Variants in STXBP5 observed in about 807,000 individuals in gnomAD.
The protein encoded by STXBP5 is syntaxin-binding protein 5.
Under a neutral mutation model 152.4 loss-of-function variants are expected in STXBP5, and 50 were observed. The ratio of observed to expected loss-of-function variants is 0.33; its 90% CI spans 0.26 to 0.42. The LOEUF (loss-of-function observed/expected upper bound fraction) is 0.42. Ranked by LOEUF, STXBP5 falls within the 10% of genes least tolerant of loss-of-function variation. The probability of loss-of-function intolerance (pLI) is 1.00; values close to 1 mark genes in which losing one functional copy is unlikely to be tolerated. For synonymous variants in STXBP5, 492 were observed against 494.7 expected (o/e 0.99, Z 0.07); for missense variants, 1,167 against 1,388.6 (o/e 0.84, Z 2.54).
intron 18 of STXBP5, among the ~76,000 whole-genome samples, chr6:147,332,642 G>A (rs902694497): frequency 1.3e-5 from 2 of 152,178 alleles, no homozygotes; most frequent in African/African-American, 2.4e-5. Flanking sequence ...GATAGTCTGA[G>A]AGGTAACAGG....
chr6:147,325,416 C>G (rs1033380662), intron 17 of STXBP5, among the ~76,000 whole-genome samples: 19 of 152,184 alleles, frequency 1.2e-4, no homozygotes, highest in African/African-American at 4.3e-4. Context: ...GGAAATCTAA[C>G]AATATGAACC....
intron 9 of STXBP5, among the ~76,000 whole-genome samples, chr6:147,295,032 T>G (rs1284266160): frequency 1.3e-5 from 2 of 152,226 alleles, no homozygotes; most frequent in African/African-American, 2.4e-5. Context: ...CTAACCTCGC[T>G]GACCTTTTTA....
chr6:147,259,235 T>C (rs1722229622), intron 4 of STXBP5, among the ~76,000 whole-genome samples: 1 of 152,180 alleles, frequency 6.6e-6, no homozygotes, highest in African/African-American at 2.4e-5. Context: ...TCTTCTCACT[T>C]CTGGAAAACA....
At position 147,311,545 on chromosome 6, in the gene STXBP5, G is replaced by T; in HGVS notation, c.1145+18G>T. ...CAAAATGGGTAAGAAATAAAATTTG[G>T]TGAGTGATTCTATCAGTATGTGGTT... On this transcript the variant is annotated intron_variant, in intron 11 of 27. Coordinates refer to ENST00000321680, the MANE Select transcript of STXBP5 (RefSeq NM_001127715.4). 6.3e-7 allele frequency: 1 copy of T among 1,587,136 alleles called. No homozygotes were observed.
intron 9 of STXBP5, among the ~76,000 whole-genome samples, chr6:147,308,405 A>G (rs1582921549): frequency 6.6e-6 from 1 of 152,206 alleles, no homozygotes; most frequent in East Asian, 1.9e-4. Flanking sequence ...GTGCTAAAAA[A>G]TAAATGATAG....
At chr6:147,232,201 A>G (rs1778040197) in intron 2 of STXBP5, among the ~76,000 whole-genome samples, 1 of 151,816 alleles carries the variant, frequency 6.6e-6, no homozygotes, top group Non-Finnish European at 1.5e-5. Flanking sequence ...TTGAAAATAG[A>G]GGTCTTCAAG....
At chr6:147,285,575 T>C (rs1780920869) in intron 8 of STXBP5, among the ~76,000 whole-genome samples, 1 of 152,072 alleles carries the variant, frequency 6.6e-6, no homozygotes, top group Non-Finnish European at 1.5e-5. Context: ...GAAACTACTC[T>C]ATTAACATCC....
chr6:147,218,378 ATTTT>A (rs1254791848), intron 2 of STXBP5, among the ~76,000 whole-genome samples: 1 of 151,632 alleles, frequency 6.6e-6, no homozygotes, highest in Non-Finnish European at 1.5e-5. Context: ...TAAGTATTTC[ATTTT>A]TTGGGGTGCT....
intron 18 of STXBP5, chr6:147,328,833 T>C: frequency 2.2e-6 from 1 of 461,730 alleles, no homozygotes. Flanking sequence ...TCATTGGGAG[T>C]TTTTGTGTTC....
At chr6:147,311,351 TACTC>T (rs1393765155) in intron 10 of STXBP5, 100 bp from the exon 11 acceptor site, 6 of 945,908 alleles carry the variant, frequency 6.3e-6, no homozygotes, top group Non-Finnish European at 8.2e-6. Context: ...GAATGTTAAA[TACTC>T]AAGAGAATGA....
chr6:147,313,053 A>G (rs973435401), intron 11 of STXBP5, among the ~76,000 whole-genome samples: 7 of 152,160 alleles, frequency 4.6e-5, no homozygotes, highest in Admixed American at 1.3e-4. Context: ...CCGTTTTGTC[A>G]TTTTATGAAT....
At chr6:147,273,769 G>T (rs1780298554) in intron 7 of STXBP5, among the ~76,000 whole-genome samples, 1 of 152,050 alleles carries the variant, frequency 6.6e-6, no homozygotes, top group Admixed American at 6.6e-5. Context: ...GGGTAACAGG[G>T]TGAAACCCCA....
chr6:147,327,608 G>T lies in STXBP5; in HGVS notation c.2080+332G>T, dbSNP rs553329365. Among the ~76,000 whole-genome samples, 10 of 152,128 alleles carry T rather than the reference G, an allele frequency of 6.6e-5. No homozygotes were observed. In the South Asian group the frequency reaches 1.9e-3, roughly 28 times the overall value. On this transcript the variant is annotated intron_variant, in intron 18 of 27. Coordinates refer to ENST00000321680, the MANE Select transcript of STXBP5 (RefSeq NM_001127715.4). ...AGGCACATGCCACCATACCCAGCTG[G>T]TTTTTTGTATTTTTTGTACAGATGG...
At chr6:147,232,429 G>A (rs780262659) in intron 2 of STXBP5, among the ~76,000 whole-genome samples, 3 of 151,668 alleles carry the variant, frequency 2.0e-5, no homozygotes. Flanking sequence ...TTATATGTAG[G>A]CATTATCAAT....
At chr6:147,360,753 T>C (rs1785028128) in intron 23 of STXBP5, among the ~76,000 whole-genome samples, 1 of 151,920 alleles carries the variant, frequency 6.6e-6, no homozygotes, top group African/African-American at 2.4e-5. Flanking sequence ...ATTTTGAAAA[T>C]GAGATTGGAT....
chr6:147,312,341 A>G (rs17076695), intron 11 of STXBP5, among the ~76,000 whole-genome samples: 7,043 of 152,272 alleles, frequency 0.046, 477 homozygotes, highest in East Asian at 0.27. Flanking sequence ...CTTACAAATT[A>G]TTTGAATGGA....
chr6:147,364,227 A>G (rs1785193557), intron 25 of STXBP5, 61 bp downstream of exon 25: 56 of 1,440,162 alleles, frequency 3.9e-5, no homozygotes, highest in Non-Finnish European at 5.0e-5. Flanking sequence ...GAGGGCCCGT[A>G]TACTGTCTGC....
At chr6:147,350,820 T>C (rs1033860130) in intron 21 of STXBP5, among the ~76,000 whole-genome samples, 1 of 152,178 alleles carries the variant, frequency 6.6e-6, no homozygotes, top group Non-Finnish European at 1.5e-5. Flanking sequence ...GGTATTATGC[T>C]CAGTTCTTTG....
Position 147,364,048 on chromosome 6 carries a change from C to A in STXBP5, c.2963C>A (p.Thr988Asn), listed in dbSNP as rs750897111. The A allele has an allele frequency of 6.2e-6, 10 of 1,613,908 alleles. No individual in the cohort carries two copies. Among genetic ancestry groups the A allele is most frequent in the Non-Finnish European group, 8.5e-6 (10 of 1,180,000 alleles). Residue 988 changes from threonine (T) to asparagine (N), a missense_variant, in exon 25 of 28, where the codon ACC (threonine) becomes AAC (asparagine). Thr to Asn is a moderately conservative substitution (Grantham distance 65). Around this residue, in one of 3 missense-constraint regions of STXBP5, gnomAD observed 833 missense variants for 986.3 expected, o/e 0.84. Coordinates refer to ENST00000321680, the MANE Select transcript of STXBP5 (RefSeq NM_001127715.4). The stretch of plus-strand genomic sequence containing the variant: ...TTGGATGTGTATTACTTGCCCCTTA[C>A]CAATATGCGGATAGCCAGAACGTTC... ...PLLDVYYLPLTNMRIARTFCF... is the reference protein window; with the variant it reads ...PLLDVYYLPLNNMRIARTFCF...
Sources: gnomAD v4.1 joint callset for allele counts (sites outside exome capture counted in the v4.1 genomes callset) on GRCh38, gnomAD v4.1.1 for gene constraint, gnomAD v4.1.1 regional missense constraint, MANE v1.5 for transcripts, NCBI Gene and HGNC (gene_info 2026-07-23, HGNC 2026-07-21) for gene names.